MAML3: variants seen among roughly 807,000 people sequenced by gnomAD.
The protein encoded by MAML3 is mastermind like transcriptional coactivator 3.
A neutral mutation model predicts 101.9 loss-of-function variants in MAML3; 27 were observed. That is an observed-to-expected ratio of 0.27 (90% CI 0.20 to 0.37). The LOEUF (loss-of-function observed/expected upper bound fraction) is 0.37. MAML3 is among the 10% of genes least tolerant of loss of function. The pLI, the probability that MAML3 is intolerant of heterozygous loss-of-function variation, is 1.00. For missense variants in MAML3, 1,316 were observed against 1,444.9 expected, an observed-to-expected ratio of 0.91 and a Z score of 1.45; for synonymous variants, 501 against 555.9, an observed-to-expected ratio of 0.90 and a Z score of 1.39.
chr4:139,997,104 T>C (rs1734832500), intron 1 of MAML3, among the ~76,000 whole-genome samples: 1 of 133,706 alleles, frequency 7.5e-6, no homozygotes, highest in Non-Finnish European at 1.7e-5. Flanking sequence ...TTTTTGAGAC[T>C]CTGTCTCAAA....
At chr4:139,726,736 A>C (rs1208745919) in intron 3 of MAML3, among the ~76,000 whole-genome samples, 2 of 152,228 alleles carry the variant, frequency 1.3e-5, no homozygotes, top group African/African-American at 4.8e-5. Flanking sequence ...TTCCACATAT[A>C]CCAGCAGACC....
intron 2 of MAML3, among the ~76,000 whole-genome samples, chr4:139,863,832 G>GTTTTTTTTTTTTTTTTTTT (rs58270046): frequency 4.5e-5 from 5 of 111,296 alleles, no homozygotes; most frequent in Admixed American, 1.0e-4. Flanking sequence ...CAGAACATGG[G>GTTTTTTTTTTTTTTTTTTT]TTTTTTTTTT....
intron 2 of MAML3, among the ~76,000 whole-genome samples, chr4:139,874,178 C>G (rs1732065886): frequency 6.6e-6 from 1 of 152,128 alleles, no homozygotes; most frequent in Non-Finnish European, 1.5e-5. Flanking sequence ...AATGAGGGTA[C>G]TGTAAGGCCT....
chr4:139,860,995 T>C (rs140425903), intron 2 of MAML3, among the ~76,000 whole-genome samples: 61 of 152,312 alleles, frequency 4.0e-4, no homozygotes, highest in Non-Finnish European at 6.3e-4. Context: ...CATAGATGTA[T>C]ATGATATATG....
At chr4:139,972,724 T>C (rs1338886612) in intron 1 of MAML3, among the ~76,000 whole-genome samples, 1 of 152,252 alleles carries the variant, frequency 6.6e-6, no homozygotes, top group Non-Finnish European at 1.5e-5. Flanking sequence ...AATTTTACTT[T>C]ATGTAAATTA....
At chr4:139,776,088 G>T (rs1254855221) in intron 2 of MAML3, among the ~76,000 whole-genome samples, 1 of 152,136 alleles carries the variant, frequency 6.6e-6, no homozygotes, top group African/African-American at 2.4e-5. Context: ...TTAACCCAAG[G>T]CAAATGATAA....
chr4:139,984,066 A>G (rs1734492652), intron 1 of MAML3, among the ~76,000 whole-genome samples: 1 of 152,216 alleles, frequency 6.6e-6, no homozygotes, highest in Non-Finnish European at 1.5e-5. Context: ...GAAGTAATGT[A>G]TCAGGAAAAC....
intron 1 of MAML3, among the ~76,000 whole-genome samples, chr4:139,899,827 G>A (rs137938021): frequency 3.3e-5 from 5 of 152,172 alleles, no homozygotes; most frequent in Admixed American, 1.3e-4. Context: ...ATTGCCATAA[G>A]AGCCAAGTGT....
chr4:140,151,677 G>C (rs981719935), intron 1 of MAML3, among the ~76,000 whole-genome samples: 4 of 130,708 alleles, frequency 3.1e-5, no homozygotes, highest in African/African-American at 3.0e-5. Context: ...CCCAGCACCC[G>C]GGCGGCGCGG....
chr4:139,750,987 C>A (rs906645140), intron 2 of MAML3, among the ~76,000 whole-genome samples: 4 of 152,168 alleles, frequency 2.6e-5, no homozygotes, highest in Admixed American at 1.3e-4. Flanking sequence ...TGGCAAGCTG[C>A]CTCCTGTGAT....
intron 1 of MAML3, among the ~76,000 whole-genome samples, chr4:139,975,439 G>A (rs1297205943): frequency 2.0e-5 from 3 of 151,984 alleles, no homozygotes; most frequent in Admixed American, 6.6e-5. Context: ...ATGAACACGC[G>A]TGCAGGCATG....
At chr4:139,863,343 CTTT>C (rs11439880) in intron 2 of MAML3, among the ~76,000 whole-genome samples, 3 of 120,530 alleles carry the variant, frequency 2.5e-5, no homozygotes, top group African/African-American at 6.0e-5. Flanking sequence ...TTCCTGTGCC[CTTT>C]TTTTTTTTTT....
At chr4:140,104,583 C>T (rs1187966374) in intron 1 of MAML3, among the ~76,000 whole-genome samples, 1 of 147,796 alleles carries the variant, frequency 6.8e-6, no homozygotes, top group Non-Finnish European at 1.5e-5. Flanking sequence ...ACCTCCACTT[C>T]CTGGGCTCAA....
chr4:139,913,728 A>G, intron 1 of MAML3, among the ~76,000 whole-genome samples: 1 of 152,212 alleles, frequency 6.6e-6, no homozygotes, highest in East Asian at 1.9e-4. Flanking sequence ...TTAACAGAAG[A>G]CTACGGCGGG....
intron 1 of MAML3, among the ~76,000 whole-genome samples, chr4:140,128,618 A>G (rs1728723428): frequency 6.6e-6 from 1 of 152,170 alleles, no homozygotes; most frequent in South Asian, 2.1e-4. Context: ...AAAAGGGTGC[A>G]CCCACACAGG....
At chr4:139,872,925 A>T (rs190204908) in intron 2 of MAML3, among the ~76,000 whole-genome samples, 19 of 151,964 alleles carry the variant, frequency 1.3e-4, no homozygotes, top group East Asian at 5.8e-4. Flanking sequence ...TAAAAATATT[A>T]AAAAAATTAG....
In MAML3 at chr4:139,861,476, G is replaced by A. The variant is rs28555556; in HGVS notation, c.2079+27881C>T. Among the ~76,000 whole-genome samples the A allele has an allele frequency of 6.2e-3, 270 of 43,210 alleles. 1 individual carries two copies. The highest frequency in any genetic ancestry group is 0.045 in the African/African-American group (250 of 5,562). 28.3% of individuals were successfully genotyped at this position (43,210 alleles called of 152,430 possible). Reference sequence around the variant, plus strand: ...AAGATGTATGAATGTCTAACCAGCCGATGTGTGTGTGTGTGTGTGTGTGTG... The same window carrying A: ...AAGATGTATGAATGTCTAACCAGCCAATGTGTGTGTGTGTGTGTGTGTGTG... On this transcript the variant is annotated intron_variant, in intron 2 of 4. Coordinates refer to ENST00000509479, the MANE Select transcript of MAML3 (RefSeq NM_018717.5).
intron 2 of MAML3, among the ~76,000 whole-genome samples, chr4:139,820,846 T>C (rs990512769): frequency 6.6e-6 from 1 of 152,198 alleles, no homozygotes; most frequent in Non-Finnish European, 1.5e-5. Context: ...GTAAACATCC[T>C]TATACATATA....
chr4:139,947,391 A>T (rs979926266), intron 1 of MAML3, among the ~76,000 whole-genome samples: 32 of 152,296 alleles, frequency 2.1e-4, no homozygotes, highest in East Asian at 1.5e-3. Context: ...CAGAGATGAA[A>T]CTTGTCCATG....
Sources: gnomAD v4.1 joint callset for allele counts (sites outside exome capture counted in the v4.1 genomes callset) on GRCh38, gnomAD v4.1.1 for gene constraint, MANE v1.5 for transcripts, NCBI Gene and HGNC (gene_info 2026-07-23, HGNC 2026-07-21) for gene names.